Variants in NR5A1 observed in about 807,000 individuals in gnomAD.
NR5A1 encodes nuclear receptor subfamily 5 group A member 1, also known as steroidogenic factor 1.
Under a neutral mutation model 42.7 loss-of-function variants are expected in NR5A1, and 6 were observed. The ratio of observed to expected loss-of-function variants is 0.14; its 90% CI spans 0.08 to 0.28. NR5A1 has a LOEUF of 0.28. Among genes scored for constraint, NR5A1 ranks in the 10% least tolerant of loss-of-function variants. The pLI is 1.00. For synonymous variants in NR5A1, 274 were observed against 277.5 expected (o/e 0.99, Z 0.12); for missense variants, 442 against 626.4 (o/e 0.71, Z 3.14).
chr9:124,483,721 T>C (rs1435605018), intron 6 of NR5A1, among the ~76,000 whole-genome samples: 3 of 152,184 alleles, frequency 2.0e-5, no homozygotes, highest in Non-Finnish European at 4.4e-5. Context: ...ATCACCACTG[T>C]CACCCCATCA....
At chr9:124,492,531 G>C (rs538414698) in intron 5 of NR5A1, among the ~76,000 whole-genome samples, 42 of 151,744 alleles carry the variant, frequency 2.8e-4, no homozygotes, top group Non-Finnish European at 5.4e-4. Context: ...ATTCATTCGA[G>C]ATTTAGGGCC....
Position 124,491,367 on chromosome 9 carries a change from T to C in NR5A1, c.991-139A>G. ...GGCTGGCGTCAGGAGGGCCCAGCCTTGGTGCCGAGCCAGGCACGGGTAACA... is the reference window on the plus strand; with the variant it reads ...GGCTGGCGTCAGGAGGGCCCAGCCTCGGTGCCGAGCCAGGCACGGGTAACA... On this transcript the variant is annotated intron_variant, in intron 5 of 6. Transcript: ENST00000373588. 7.4e-6 allele frequency: 5 copies of C among 672,112 alleles called. No homozygotes were observed. In the South Asian group the frequency reaches 9.7e-5, roughly 13 times the overall value. 41.6% of individuals were successfully genotyped at this position (672,112 alleles called of 1,614,324 possible).
At position 124,496,110 on chromosome 9, in the gene NR5A1, T is replaced by C. The variant is rs1006204102; in HGVS notation, c.871-2961A>G. On this transcript the variant is annotated intron_variant, in intron 4 of 6. Transcript: ENST00000373588. The surrounding 1 kb of genome is among the most constrained non-coding windows in gnomAD (Gnocchi z 5.0). ...TTGGCCAAGCAGGTCTTGTACTCACTGCTTTCCTTGGGTGGACAGATGGAT... is the reference window on the plus strand; with the variant it reads ...TTGGCCAAGCAGGTCTTGTACTCACCGCTTTCCTTGGGTGGACAGATGGAT... 3.3e-5 allele frequency among the ~76,000 whole-genome samples: 5 copies of C among 152,092 alleles called. No individual in the cohort carries two copies. The highest frequency in any genetic ancestry group is 5.9e-5 in the Non-Finnish European group (4 of 68,014).
At chr9:124,483,524 G>C (rs867331546) in intron 6 of NR5A1, among the ~76,000 whole-genome samples, 1 of 152,180 alleles carries the variant, frequency 6.6e-6, no homozygotes, top group Admixed American at 6.5e-5. Context: ...TGAGAAGCTC[G>C]GTGGGTTGGG....
At chr9:124,492,305 C>A (rs1485974217) in intron 5 of NR5A1, among the ~76,000 whole-genome samples, 1 of 151,334 alleles carries the variant, frequency 6.6e-6, no homozygotes, top group East Asian at 2.0e-4. Flanking sequence ...TGGCTGTGCC[C>A]CCGTGTCCCC....
At position 124,482,684 on chromosome 9, in the gene NR5A1, C is replaced by T. The variant is rs1832146005; in HGVS notation, c.*74G>A. The T allele has an allele frequency of 1.1e-5, 14 of 1,248,644 alleles. No individual in the cohort carries two copies. Among genetic ancestry groups the T allele is most frequent in the South Asian group, 3.9e-5 (3 of 77,582 alleles). The allele number at this position is 1,248,644 out of a possible 1,614,324, so 77.3% of individuals were successfully genotyped here. A position where few individuals can be genotyped will look rare whatever the true frequency, so the allele number is the denominator to read the frequency against. On this transcript the variant is annotated 3_prime_UTR_variant, in exon 7 of 7. Coordinates refer to ENST00000373588, the MANE Select transcript of NR5A1 (RefSeq NM_004959.5). ...CAGAAAATGAACCATGCGGAGCCAG[C>T]GGTGTGGCTGCGGCCCCGCCCAGGC... is the stretch of plus-strand genomic sequence containing the variant.
At chr9:124,506,045 C>A (rs1832553089) in intron 1 of NR5A1, among the ~76,000 whole-genome samples, 1 of 152,222 alleles carries the variant, frequency 6.6e-6, no homozygotes, top group Non-Finnish European at 1.5e-5. Flanking sequence ...AGCGGCGCAA[C>A]CCACCAAAAG....
rs1832500963 is a variant in NR5A1 at position 124,503,522 on chromosome 9, C to T, written c.-15-112G>A. ...CCCGTCGCGTAATCCCCTCTCTGTG[C>T]CCAGGCGCTGCCGCCGGCACCCACC... On this transcript the variant is annotated intron_variant, in intron 1 of 6. Transcript: ENST00000373588. This position sits in a 1 kb window ranked among gnomAD's most constrained non-coding sequence, Gnocchi z 9.6. 3.6e-6 allele frequency: 3 copies of T among 838,116 alleles called. No homozygotes were observed. Among genetic ancestry groups the T allele is most frequent in the Non-Finnish European group, 5.2e-6 (3 of 575,290 alleles). 51.9% of individuals were successfully genotyped at this position (838,116 alleles called of 1,614,324 possible).
intron 1 of NR5A1, among the ~76,000 whole-genome samples, chr9:124,505,930 C>T (rs1444777478): frequency 6.6e-6 from 1 of 152,054 alleles, no homozygotes. Context: ...CTGCTTGCAT[C>T]CTGCCTCCGC....
At chr9:124,487,448 T>A in intron 6 of NR5A1, among the ~76,000 whole-genome samples, 1 of 152,234 alleles carries the variant, frequency 6.6e-6, no homozygotes, top group Non-Finnish European at 1.5e-5. Context: ...TTCGATTAAG[T>A]CCTCGGCAGA....
intron 3 of NR5A1, among the ~76,000 whole-genome samples, chr9:124,502,540 G>T (rs1265775088): frequency 6.6e-6 from 1 of 152,122 alleles, no homozygotes; most frequent in Non-Finnish European, 1.5e-5. Context: ...TGTTGCCCAG[G>T]CTGGTCTTAA....
chr9:124,493,297 A>G (rs2131280157), intron 4 of NR5A1, 148 bp from the exon 5 acceptor site: 1 of 1,096,062 alleles, frequency 9.1e-7, no homozygotes, highest in South Asian at 1.9e-5. Context: ...TGTCTAGGCT[A>G]TCAAAGTGCA....
chr9:124,500,674 C>T lies in NR5A1; in HGVS notation c.286G>A (p.Gly96Arg). ...GCCCGGTCCCGCTTGTACATCGGCC[C>T]AAACTTGTTCCGGCCACCCCTCATA... ...DRMRGGRNKF[G>R]PMYKRDRALK... Residue 96 changes from glycine to arginine, a missense_variant, in exon 4 of 7, where the codon GGG (glycine) becomes AGG (arginine). By Grantham distance (125) the Gly-to-Arg change is moderately radical (BLOSUM62 -2). Transcript: ENST00000373588. The surrounding 1 kb of genome is among the most constrained non-coding windows in gnomAD (Gnocchi z 6.9). 3 of 1,613,320 alleles carry T rather than the reference C, an allele frequency of 1.9e-6. No homozygotes were observed. The highest frequency in any genetic ancestry group is 2.5e-6 in the Non-Finnish European group (3 of 1,180,022).
rs546121827 is a variant in NR5A1, at chr9:124,506,797, G to A, written c.-16+452C>T. Reference sequence around the variant, plus strand: ...CCACCCACCCAGGGAGGGAAGCCTAGACCTGGCCCGGCCGCAGAACCCAGG... The same window carrying A: ...CCACCCACCCAGGGAGGGAAGCCTAAACCTGGCCCGGCCGCAGAACCCAGG... On this transcript the variant is annotated intron_variant, in intron 1 of 6. Coordinates refer to ENST00000373588, the MANE Select transcript of NR5A1 (RefSeq NM_004959.5). Among the ~76,000 whole-genome samples the A allele has an allele frequency of 2.6e-3, 391 of 152,308 alleles. 2 individuals are homozygous for A. The highest frequency in any genetic ancestry group is 8.9e-3 in the African/African-American group (371 of 41,572).
At position 124,482,748 on chromosome 9, in the gene NR5A1, C is replaced by A; in HGVS notation, c.*10G>T. On this transcript the variant is annotated 3_prime_UTR_variant, in exon 7 of 7. Transcript: ENST00000373588. The stretch of plus-strand genomic sequence containing the variant: ...CCGCCCCCAGTCCCGGCCCCGCCCC[C>A]GGCCCAGGCTCAAGTCTGCTTGGCT... 6.5e-7 allele frequency: 1 copy of A among 1,542,716 alleles called. No individual in the cohort carries two copies. The highest frequency in any genetic ancestry group is 8.7e-7 in the Non-Finnish European group (1 of 1,144,974).
At chr9:124,497,095 C>T (rs1341822178) in intron 4 of NR5A1, among the ~76,000 whole-genome samples, 1 of 152,224 alleles carries the variant, frequency 6.6e-6, no homozygotes, top group Non-Finnish European at 1.5e-5. Flanking sequence ...CTGCATAAGC[C>T]TGCAGGCGTC....
In NR5A1 at chr9:124,498,876, C is replaced by T. The variant is rs947080390; in HGVS notation, c.870+1214G>A. Among the ~76,000 whole-genome samples, 4 of 152,222 alleles carry T rather than the reference C, an allele frequency of 2.6e-5. No homozygotes were observed. The highest frequency in any genetic ancestry group is 9.6e-5 in the African/African-American group (4 of 41,460). ...TCCCAGATGGCCCAGGCCCCAGTCC[C>T]GCGATGCCCCTAGGGCTCGGAGCAC... On this transcript the variant is annotated intron_variant, in intron 4 of 6. Coordinates refer to ENST00000373588, the MANE Select transcript of NR5A1 (RefSeq NM_004959.5). This position sits in a 1 kb window ranked among gnomAD's most constrained non-coding sequence, Gnocchi z 4.6.
In NR5A1 at chr9:124,482,708, G is replaced by GGGC; in HGVS notation, c.*49_*50insGCC. Reference sequence around the variant, plus strand: ...GCGGTGTGGCTGCGGCCCCGCCCAGGCCCCGCCCCCAGTCCCGCCCCCAGT... The same window carrying GGGC: ...GCGGTGTGGCTGCGGCCCCGCCCAGGGGCCCCCGCCCCCAGTCCCGCCCCCAGT... On this transcript the variant is annotated 3_prime_UTR_variant, in exon 7 of 7. Transcript: ENST00000373588. The GGGC allele has an allele frequency of 1.8e-6, 1 of 558,006 alleles. No homozygotes were observed. 34.6% of individuals were successfully genotyped at this position (558,006 alleles called of 1,614,324 possible).
At chr9:124,504,936 G>A (rs1832532129) in intron 1 of NR5A1, among the ~76,000 whole-genome samples, 1 of 145,516 alleles carries the variant, frequency 6.9e-6, no homozygotes, top group Non-Finnish European at 1.5e-5. Context: ...GCCGCTCCGA[G>A]GCGCACCTGG....
Sources: gnomAD v4.1 joint callset for allele counts (sites outside exome capture counted in the v4.1 genomes callset) on GRCh38, gnomAD v4.1.1 for gene constraint, Gnocchi (gnomAD v3.1) non-coding constraint, MANE v1.5 for transcripts, NCBI Gene and HGNC (gene_info 2026-07-23, HGNC 2026-07-21) for gene names.